Variants in TXNDC16 observed in about 807,000 individuals in gnomAD.
The protein encoded by TXNDC16 is thioredoxin domain containing 16.
Under a neutral mutation model 85.6 loss-of-function variants are expected in TXNDC16, and 74 were observed. The observed-to-expected ratio is 0.86, with a 90% CI of 0.72 to 1.05. The LOEUF is 1.05. Ranked by LOEUF, TXNDC16 falls within the 50% of genes least tolerant of loss-of-function variation. The probability of loss-of-function intolerance (pLI) is 0.00; values close to 1 mark genes in which losing one functional copy is unlikely to be tolerated. For missense variants in TXNDC16, 959 were observed against 947.0 expected (o/e 1.01, Z -0.17); for synonymous variants, 335 against 326.5 (o/e 1.03, Z -0.28).
intron 16 of TXNDC16, among the ~76,000 whole-genome samples, chr14:52,460,294 A>T (rs2035623370): frequency 6.6e-6 from 1 of 152,198 alleles, no homozygotes; most frequent in South Asian, 2.1e-4. Context: ...ACAAATAGAA[A>T]AACATCCCAA....
intron 9 of TXNDC16, among the ~76,000 whole-genome samples, chr14:52,497,575 C>A (rs1170504577): frequency 6.6e-6 from 1 of 152,116 alleles, no homozygotes; most frequent in Non-Finnish European, 1.5e-5. Context: ...AGGCAAAAAT[C>A]CTCAACAAAA....
chr14:52,526,893 C>A (rs1183693751), intron 6 of TXNDC16, among the ~76,000 whole-genome samples: 1 of 152,016 alleles, frequency 6.6e-6, no homozygotes, highest in Non-Finnish European at 1.5e-5. Flanking sequence ...CATAACAAAG[C>A]CTCCATAAAA....
At chr14:52,466,612 ATCC>A (rs1427709162) in intron 16 of TXNDC16, among the ~76,000 whole-genome samples, 4 of 152,002 alleles carry the variant, frequency 2.6e-5, no homozygotes, top group Non-Finnish European at 4.4e-5. Flanking sequence ...CATGCCTGTA[ATCC>A]CAGCACTTTG....
chr14:52,534,855 G>A (rs1268336767), intron 6 of TXNDC16, among the ~76,000 whole-genome samples: 1 of 152,098 alleles, frequency 6.6e-6, no homozygotes, highest in African/African-American at 2.4e-5. Flanking sequence ...AGGAACATGG[G>A]GAATAATCTA....
intron 6 of TXNDC16, among the ~76,000 whole-genome samples, chr14:52,534,752 ATCTG>A (rs1430413218): frequency 6.6e-6 from 1 of 152,194 alleles, no homozygotes; most frequent in Non-Finnish European, 1.5e-5. Context: ...TTTTCTGTTT[ATCTG>A]TCTGTGCAAC....
At chr14:52,488,633 C>T (rs556504128) in intron 11 of TXNDC16, 147 bp from the exon 12 acceptor site, 11 of 547,034 alleles carry the variant, frequency 2.0e-5, no homozygotes, top group East Asian at 1.1e-4. Flanking sequence ...GTCAGTAGTT[C>T]GAGACCAGCC....
At chr14:52,528,732 T>G (rs1021370747) in intron 6 of TXNDC16, among the ~76,000 whole-genome samples, 8 of 149,960 alleles carry the variant, frequency 5.3e-5, no homozygotes, top group African/African-American at 1.9e-4. Flanking sequence ...TGTAACTAGT[T>G]CATTTTTCAA....
chr14:52,440,477 G>C (rs1283210551), intron 19 of TXNDC16, 87 bp downstream of exon 19: 1 of 1,153,990 alleles, frequency 8.7e-7, no homozygotes, highest in Admixed American at 3.4e-5. Flanking sequence ...TAACTCCAAA[G>C]AGTTAGAGAG....
Position 52,440,629 on chromosome 14 carries a change from T to G in TXNDC16, c.1938A>C (p.Lys646Asn). 2.5e-6 allele frequency: 4 copies of G among 1,610,708 alleles called. No individual in the cohort carries two copies. The highest frequency in any genetic ancestry group is 3.4e-6 in the Non-Finnish European group (4 of 1,179,014). Residue 646 changes from lysine to asparagine, a missense_variant, in exon 19 of 21, where the codon AAA becomes AAC. Coordinates refer to ENST00000281741, the MANE Select transcript of TXNDC16 (RefSeq NM_020784.3). ...FSDGTVNPQY[K>N]KAILTLVKQK... ...GCTTTACCAGTGTCAATATTGCTTT[T>G]TTATACTGAGGATTTACAGTGCCAT...
At chr14:52,436,742 A>G (rs2035036814) in intron 20 of TXNDC16, among the ~76,000 whole-genome samples, 2 of 152,164 alleles carry the variant, frequency 1.3e-5, no homozygotes, top group Non-Finnish European at 1.5e-5. Flanking sequence ...AAATATACAT[A>G]ATGGTAGATT....
chr14:52,490,288 T>A, intron 11 of TXNDC16, 103 bp downstream of exon 11: 1 of 782,432 alleles, frequency 1.3e-6, no homozygotes, highest in South Asian at 3.2e-5. Context: ...AGGAGCAATT[T>A]ATAATTTACA....
intron 9 of TXNDC16, among the ~76,000 whole-genome samples, chr14:52,500,318 C>T (rs2036626592): frequency 6.6e-6 from 1 of 152,126 alleles, no homozygotes; most frequent in African/African-American, 2.4e-5. Flanking sequence ...CATGGATGAA[C>T]CTTGAGGACA....
intron 20 of TXNDC16, among the ~76,000 whole-genome samples, chr14:52,435,737 G>C (rs891518554): frequency 1.3e-5 from 2 of 151,998 alleles, no homozygotes; most frequent in African/African-American, 4.8e-5. Context: ...GAGGAGGGAG[G>C]GTTGCTTGAG....
At chr14:52,442,050 G>A (rs1411995110) in intron 18 of TXNDC16, among the ~76,000 whole-genome samples, 1 of 152,018 alleles carries the variant, frequency 6.6e-6, no homozygotes, top group East Asian at 1.9e-4. Context: ...TTTTAAATCT[G>A]TGAAATGAGG....
chr14:52,472,864 CA>C (rs1468643039), intron 14 of TXNDC16, among the ~76,000 whole-genome samples: 2 of 152,112 alleles, frequency 1.3e-5, no homozygotes, highest in Non-Finnish European at 2.9e-5. Flanking sequence ...GAGCAGCCTG[CA>C]AGCTGCAAGG....
chr14:52,550,101 C>T (rs1282936516), intron 1 of TXNDC16, among the ~76,000 whole-genome samples: 2 of 152,116 alleles, frequency 1.3e-5, no homozygotes, highest in Admixed American at 6.5e-5. Flanking sequence ...CTTTATAGGC[C>T]TAATATTCCC....
intron 11 of TXNDC16, 21 bp downstream of exon 11, chr14:52,490,370 A>C (rs1384289688): frequency 2.6e-6 from 4 of 1,549,242 alleles, no homozygotes; most frequent in Non-Finnish European, 3.5e-6. Context: ...ATATTGTAGA[A>C]CAATACATAA....
At chr14:52,493,057 T>C (rs60544299) in intron 9 of TXNDC16, among the ~76,000 whole-genome samples, 36,077 of 151,320 alleles carry the variant, frequency 0.24, 4,893 homozygotes, top group African/African-American at 0.36. Context: ...CAGAAGACCA[T>C]TTGAGGTCAG....
intron 16 of TXNDC16, among the ~76,000 whole-genome samples, chr14:52,463,190 C>CAAAAAAAAAA (rs2035692153): frequency 7.8e-6 from 1 of 128,764 alleles, no homozygotes; most frequent in Non-Finnish European, 1.6e-5. Flanking sequence ...AAACCCAGTT[C>CAAAAAAAAAA]AGATAAAAAA....
Sources: gnomAD v4.1 joint callset for allele counts (sites outside exome capture counted in the v4.1 genomes callset) on GRCh38, gnomAD v4.1.1 for gene constraint, MANE v1.5 for transcripts, NCBI Gene and HGNC (gene_info 2026-07-23, HGNC 2026-07-21) for gene names.